The following NKD1 variants were observed in gnomAD, a reference collection of about 807,000 sequenced individuals.
The protein encoded by NKD1 is NKD inhibitor of Wnt signaling pathway 1, also known as protein naked cuticle homolog 1.
Under a neutral mutation model 56.0 loss-of-function variants are expected in NKD1, and 21 were observed. The observed-to-expected ratio is 0.38, with a 90% CI of 0.27 to 0.54. NKD1 has a LOEUF of 0.54. NKD1 is among the 20% of genes least tolerant of loss of function. NKD1 has a pLI of 0.82. For synonymous variants in NKD1, 263 were observed against 265.7 expected, an observed-to-expected ratio of 0.99 and a Z score of 0.10; for missense variants, 578 against 642.7, an observed-to-expected ratio of 0.90 and a Z score of 1.09.
chr16:50,554,107 G>A (rs1249630598), intron 3 of NKD1, among the ~76,000 whole-genome samples: 1 of 152,206 alleles, frequency 6.6e-6, no homozygotes, highest in East Asian at 1.9e-4. Context: ...TCTTCTTGGG[G>A]AAGGAGGCTG....
At chr16:50,580,618 C>T (rs371217266) in intron 3 of NKD1, among the ~76,000 whole-genome samples, 7 of 152,324 alleles carry the variant, frequency 4.6e-5, no homozygotes, top group East Asian at 1.9e-4. Flanking sequence ...GACTCTAGCT[C>T]CCAGGAATGT....
chr16:50,567,102 G>T (rs1010713472), intron 3 of NKD1, among the ~76,000 whole-genome samples: 1 of 151,912 alleles, frequency 6.6e-6, no homozygotes, highest in Non-Finnish European at 1.5e-5. Context: ...TTAGGACCAG[G>T]CTTCAGACTT....
intron 3 of NKD1, chr16:50,607,164 G>T (rs1422163097): frequency 5.6e-6 from 2 of 356,970 alleles, no homozygotes; most frequent in Non-Finnish European, 1.1e-5. Flanking sequence ...AGAAAGATTT[G>T]AAAGAAGAAA....
chr16:50,584,510 C>T (rs960344843), intron 3 of NKD1, among the ~76,000 whole-genome samples: 3 of 152,168 alleles, frequency 2.0e-5, no homozygotes, highest in Non-Finnish European at 4.4e-5. Context: ...TGCTGCTTTC[C>T]AAATGTGTAA....
intron 8 of NKD1, among the ~76,000 whole-genome samples, chr16:50,631,656 G>A (rs916639904): frequency 6.6e-6 from 1 of 152,222 alleles, no homozygotes; most frequent in South Asian, 2.1e-4. Flanking sequence ...AGGAAGCCAG[G>A]AGGGAGCAGA....
intron 4 of NKD1, among the ~76,000 whole-genome samples, chr16:50,610,139 TG>T (rs1465714814): frequency 2.6e-5 from 4 of 152,232 alleles, no homozygotes; most frequent in Non-Finnish European, 4.4e-5. Context: ...AAGACCAGCC[TG>T]GGCAACATAG....
chr16:50,622,602 T>C (rs1445585570), intron 5 of NKD1, among the ~76,000 whole-genome samples: 1 of 152,190 alleles, frequency 6.6e-6, no homozygotes, highest in East Asian at 1.9e-4. Flanking sequence ...TTGGGGCAAG[T>C]TCCCTAAAGT....
At chr16:50,555,999 A>T (rs1259649789) in intron 3 of NKD1, 1 of 147,660 alleles carries the variant, frequency 6.8e-6, no homozygotes. Context: ...AGTCTCTCAC[A>T]AACAAAATAT....
At chr16:50,617,138 C>T (rs558862395) in intron 4 of NKD1, among the ~76,000 whole-genome samples, 3 of 152,310 alleles carry the variant, frequency 2.0e-5, no homozygotes, top group South Asian at 4.1e-4. Flanking sequence ...TAAACAGTCC[C>T]GAGTGACTGT....
chr16:50,594,052 G>A (rs965572957), intron 3 of NKD1, among the ~76,000 whole-genome samples: 8 of 152,002 alleles, frequency 5.3e-5, no homozygotes, highest in African/African-American at 7.2e-5. Context: ...CCTGAAACGC[G>A]CTGGCTGAAT....
In NKD1 at chr16:50,632,080, C is replaced by T. The variant is rs953188392; in HGVS notation, c.696-201C>T. ...GGGAGGTCGGGCTGTGGGCTGTGGT[C>T]TATGGTCTGTCTCTCCATCGGCAAG... is the stretch of plus-strand genomic sequence containing the variant. On this transcript the variant is annotated intron_variant, in intron 8 of 9. Transcript: ENST00000268459. The surrounding 1 kb of genome is among the most constrained non-coding windows in gnomAD (Gnocchi z 4.1). Among the ~76,000 whole-genome samples the T allele has an allele frequency of 6.6e-6, 1 of 152,214 alleles. No homozygotes were observed. The highest frequency in any genetic ancestry group is 1.5e-5 in the Non-Finnish European group (1 of 68,038).
chr16:50,564,915 T>A (rs1228869422), intron 3 of NKD1, among the ~76,000 whole-genome samples: 1 of 152,208 alleles, frequency 6.6e-6, no homozygotes, highest in Non-Finnish European at 1.5e-5. Context: ...GCTTCCCCCT[T>A]TGGAGGTATC....
At chr16:50,550,794 A>G (rs1445388458) in intron 3 of NKD1, among the ~76,000 whole-genome samples, 1 of 152,154 alleles carries the variant, frequency 6.6e-6, no homozygotes, top group African/African-American at 2.4e-5. Flanking sequence ...TTAAAGGCCA[A>G]CGAAAACGGT....
Position 50,648,338 on chromosome 16 carries a change from AC to A in NKD1, c.*14558del, listed in dbSNP as rs1384464343. The A allele has an allele frequency of 6.5e-6, 1 of 152,744 alleles. No individual in the cohort carries two copies. Among genetic ancestry groups the A allele is most frequent in the East Asian group, 1.9e-4 (1 of 5,188 alleles). The allele number at this position is 152,744 out of a possible 1,614,324, so 9.5% of individuals were successfully genotyped here. ...GGCCTGGATTTGCACTCTTGGTCCA[AC>A]ACCCTCAACTCCAACACCTCTGTCT... On this transcript the variant is annotated 3_prime_UTR_variant, in exon 10 of 10. Coordinates refer to ENST00000268459, the MANE Select transcript of NKD1 (RefSeq NM_033119.5).
rs923185349 is a variant in NKD1, at chr16:50,633,685, G to A, written c.1317G>A (p.Val439=). 3.7e-6 allele frequency: 6 copies of A among 1,600,022 alleles called. No homozygotes were observed. The African/African-American group carries it at 6.7e-5, about 18-fold the overall frequency. ...ACCTGCGGGAGCTGCCCGCCTTGGT[G>A]GTGTATGAGAGCCAGGCCGGGCAGC... is the stretch of plus-strand genomic sequence containing the variant. The part of the protein sequence containing the change: ...REHLRELPAL[V]VYESQAGQPV... The change falls in exon 10 of 10, where the codon GTG becomes GTA. Residue 439 remains valine (V), a synonymous_variant. Coordinates refer to ENST00000268459, the MANE Select transcript of NKD1 (RefSeq NM_033119.5). This position sits in a 1 kb window ranked among gnomAD's most constrained non-coding sequence, Gnocchi z 4.9.
At chr16:50,626,960 T>C (rs1962233337) in intron 6 of NKD1, among the ~76,000 whole-genome samples, 5 of 152,134 alleles carry the variant, frequency 3.3e-5, no homozygotes. Context: ...TGTTTTCTTC[T>C]CTGTGGATAG....
Position 50,633,801 on chromosome 16 carries a change from A to G in NKD1, c.*20A>G, listed in dbSNP as rs760626527. ...ACATAGAGCCCCTCCCCAGGGCCCCACCCTGCCATATGAAGGACCCCACCC... is the reference window on the plus strand; with the variant it reads ...ACATAGAGCCCCTCCCCAGGGCCCCGCCCTGCCATATGAAGGACCCCACCC... On this transcript the variant is annotated 3_prime_UTR_variant, in exon 10 of 10. Transcript: ENST00000268459. The surrounding 1 kb of genome is among the most constrained non-coding windows in gnomAD (Gnocchi z 4.9). The G allele has an allele frequency of 5.2e-6, 7 of 1,342,404 alleles. No homozygotes were observed. Among genetic ancestry groups the G allele is most frequent in the Non-Finnish European group, 7.0e-6 (7 of 1,004,734 alleles). The allele number at this position is 1,342,404 out of a possible 1,614,324, so 83.2% of individuals were successfully genotyped here. A position where few individuals can be genotyped will look rare whatever the true frequency, so the allele number is the denominator to read the frequency against.
intron 4 of NKD1, among the ~76,000 whole-genome samples, chr16:50,618,869 C>T (rs955621576): frequency 6.6e-6 from 1 of 151,900 alleles, no homozygotes; most frequent in Non-Finnish European, 1.5e-5. Context: ...TATGAGGGGT[C>T]GAGGGGGATG....
At chr16:50,560,610 C>A in intron 3 of NKD1, among the ~76,000 whole-genome samples, 2 of 149,572 alleles carry the variant, frequency 1.3e-5, no homozygotes. Context: ...TTAGAGCCAT[C>A]TTAAATCAGT....
Sources: gnomAD v4.1 joint callset for allele counts (sites outside exome capture counted in the v4.1 genomes callset) on GRCh38, gnomAD v4.1.1 for gene constraint, Gnocchi (gnomAD v3.1) non-coding constraint, MANE v1.5 for transcripts, NCBI Gene and HGNC (gene_info 2026-07-23, HGNC 2026-07-21) for gene names.